Variants in ATG5 observed in about 807,000 individuals in gnomAD.
The protein encoded by ATG5 is autophagy related 5.
In ATG5, 14 loss-of-function variants were observed where a neutral mutation model predicts 36.5. That is an observed-to-expected ratio of 0.38 (90% CI 0.25 to 0.60). The LOEUF is 0.60. Ranked by LOEUF, ATG5 falls within the 20% of genes least tolerant of loss-of-function variation. The pLI is 0.60. For synonymous variants in ATG5, 95 were observed against 101.5 expected, an observed-to-expected ratio of 0.94 and a Z score of 0.38; for missense variants, 195 against 326.7, an observed-to-expected ratio of 0.60 and a Z score of 3.11.
chr6:106,316,191 A>G lies in ATG5; in HGVS notation c.18T>C (p.Asp6=), dbSNP rs180896836. Residue 6 remains aspartate, a synonymous_variant, in exon 2 of 8, where the codon GAT becomes GAC. Transcript: ENST00000369076. ...GTCCAAACCACACATCTCGAAGCAC[A>G]TCTTTGTCATCTGTCATTCTTCCAG... MTDDK[D]VLRDVWFGRI... The G allele has an allele frequency of 6.2e-7, 1 of 1,613,622 alleles. No homozygotes were observed. Among genetic ancestry groups the G allele is most frequent in the African/African-American group, 1.3e-5 (1 of 75,008 alleles).
chr6:106,197,575 T>A (rs1776247696), intron 7 of ATG5, among the ~76,000 whole-genome samples: 1 of 152,028 alleles, frequency 6.6e-6, no homozygotes, highest in Admixed American at 6.5e-5. Context: ...ATGCCCTCCC[T>A]GGGTGTGGAG....
chr6:106,186,465 G>A lies in ATG5; in HGVS notation c.*75C>T. ...TGGTCAGGTTGCCTCCACCAAACCTGATTGAAGCAAAAGGGTGACATGCTC... is the reference window on the plus strand; with the variant it reads ...TGGTCAGGTTGCCTCCACCAAACCTAATTGAAGCAAAAGGGTGACATGCTC... On this transcript the variant is annotated 3_prime_UTR_variant, in exon 8 of 8. Transcript: ENST00000369076. 2.6e-6 allele frequency: 4 copies of A among 1,559,990 alleles called. No homozygotes were observed. The South Asian group carries it at 4.6e-5, about 18-fold the overall frequency.
intron 1 of ATG5, among the ~76,000 whole-genome samples, chr6:106,320,562 C>T (rs1771024131): frequency 6.6e-6 from 1 of 151,436 alleles, no homozygotes; most frequent in Admixed American, 6.6e-5. Context: ...CTTTACTTCA[C>T]TAAGCTTCAA....
At chr6:106,214,209 A>G (rs1374727433) in intron 6 of ATG5, among the ~76,000 whole-genome samples, 1 of 152,192 alleles carries the variant, frequency 6.6e-6, no homozygotes, top group Non-Finnish European at 1.5e-5. Context: ...TTAAGAATGT[A>G]CACAATATAC....
chr6:106,310,494 TATA>T (rs1166214289), intron 2 of ATG5, among the ~76,000 whole-genome samples: 2 of 152,130 alleles, frequency 1.3e-5, no homozygotes, highest in African/African-American at 4.8e-5. Flanking sequence ...ACCTGCAGAC[TATA>T]TATACTACTC....
chr6:106,296,625 C>G (rs1769951428), intron 3 of ATG5, among the ~76,000 whole-genome samples: 13 of 152,158 alleles, frequency 8.5e-5, no homozygotes, highest in Admixed American at 8.5e-4. Context: ...CAAGACCAGG[C>G]TGACCAATAA....
At chr6:106,320,607 A>G (rs1295656160) in intron 1 of ATG5, among the ~76,000 whole-genome samples, 1 of 147,608 alleles carries the variant, frequency 6.8e-6, no homozygotes, top group Non-Finnish European at 1.5e-5. Flanking sequence ...AATATTACCC[A>G]AGTCAAAAGG....
At position 106,292,753 on chromosome 6, in the gene ATG5, A is replaced by G. The variant is rs188520596; in HGVS notation, c.315+275T>C. ...CCAAAGTGCTGGGATTACAGGCGTG[A>G]GCCACCAAGGCTGGCCCAAAAACTC... On this transcript the variant is annotated intron_variant, in intron 4 of 7. Transcript: ENST00000369076. 1.8e-3 allele frequency among the ~76,000 whole-genome samples: 270 copies of G among 152,342 alleles called. 1 individual carries two copies. Among genetic ancestry groups the G allele is most frequent in the South Asian group, 0.013 (63 of 4,832 alleles).
At chr6:106,189,219 T>A (rs1045134865) in intron 7 of ATG5, among the ~76,000 whole-genome samples, 2 of 152,192 alleles carry the variant, frequency 1.3e-5, no homozygotes, top group Admixed American at 1.3e-4. Context: ...AAAAAATGTT[T>A]CCAGATAAGC....
chr6:106,249,663 C>G (rs541187284), intron 5 of ATG5, among the ~76,000 whole-genome samples: 335 of 152,290 alleles, frequency 2.2e-3, no homozygotes, highest in Non-Finnish European at 3.9e-3. Flanking sequence ...TACATGGTAA[C>G]TGTGTTTTGA....
At chr6:106,244,280 A>G (rs73775398) in intron 6 of ATG5, among the ~76,000 whole-genome samples, 3,706 of 152,284 alleles carry the variant, frequency 0.024, 65 homozygotes, top group African/African-American at 0.049. Flanking sequence ...AACAAAGTAG[A>G]TGACTGAATG....
intron 5 of ATG5, 112 bp downstream of exon 5, chr6:106,279,549 C>T: frequency 8.3e-6 from 8 of 969,614 alleles, no homozygotes; most frequent in Non-Finnish European, 1.1e-5. Context: ...GGCACAGAGG[C>T]TACAATTTAA....
chr6:106,195,020 TC>T (rs768948286), intron 7 of ATG5, among the ~76,000 whole-genome samples: 1 of 152,192 alleles, frequency 6.6e-6, no homozygotes, highest in Non-Finnish European at 1.5e-5. Flanking sequence ...TCACCTTTGG[TC>T]ATTTCCTGTT....
intron 6 of ATG5, among the ~76,000 whole-genome samples, chr6:106,227,328 G>A (rs2114448428): frequency 6.6e-6 from 1 of 152,302 alleles, no homozygotes; most frequent in East Asian, 1.9e-4. Flanking sequence ...TGGAATGCTG[G>A]TGGACACCTG....
intron 7 of ATG5, among the ~76,000 whole-genome samples, chr6:106,196,262 G>A (rs1321005471): frequency 1.3e-5 from 2 of 152,026 alleles, no homozygotes; most frequent in Non-Finnish European, 2.9e-5. Flanking sequence ...ATTTGTGAAA[G>A]TAAAATAAAG....
chr6:106,309,816 A>G (rs1024541922), intron 2 of ATG5, among the ~76,000 whole-genome samples: 17 of 152,184 alleles, frequency 1.1e-4, no homozygotes, highest in Non-Finnish European at 2.1e-4. Context: ...ATAATCTATT[A>G]GTCTAATAAG....
intron 6 of ATG5, among the ~76,000 whole-genome samples, chr6:106,206,492 T>C (rs1470496527): frequency 6.6e-6 from 1 of 151,952 alleles, no homozygotes; most frequent in African/African-American, 2.4e-5. Flanking sequence ...CTACTAAAAA[T>C]ACAGAAAATT....
At chr6:106,236,289 A>T (rs1777902117) in intron 6 of ATG5, among the ~76,000 whole-genome samples, 1 of 152,208 alleles carries the variant, frequency 6.6e-6, no homozygotes, top group African/African-American at 2.4e-5. Flanking sequence ...TAATTCTGCT[A>T]TGAACACTTC....
intron 5 of ATG5, among the ~76,000 whole-genome samples, chr6:106,268,020 C>G (rs1779292769): frequency 6.6e-6 from 1 of 151,900 alleles, no homozygotes; most frequent in South Asian, 2.1e-4. Context: ...AGCTTCTGCA[C>G]AGCAAAAGAA....
Sources: gnomAD v4.1 joint callset for allele counts (sites outside exome capture counted in the v4.1 genomes callset) on GRCh38, gnomAD v4.1.1 for gene constraint, MANE v1.5 for transcripts, NCBI Gene and HGNC (gene_info 2026-07-23, HGNC 2026-07-21) for gene names.